PCDHA7: variants seen among roughly 807,000 people sequenced by gnomAD.
PCDHA7 encodes the protein protocadherin alpha 7, also known as protocadherin alpha-7.
PCDHA7 carries 37 observed loss-of-function variants against 57.2 expected under a neutral mutation model. That is an observed-to-expected ratio of 0.65 (90% CI 0.50 to 0.85). The LOEUF (loss-of-function observed/expected upper bound fraction) is 0.85, where lower values mean the gene tolerates loss of function less well. Among genes scored for constraint, PCDHA7 ranks in the 40% least tolerant of loss-of-function variants. PCDHA7 has a pLI of 0.00. For synonymous variants in PCDHA7, 553 were observed against 558.8 expected, an observed-to-expected ratio of 0.99 and a Z score of 0.15; for missense variants, 1,188 against 1,241.8, an observed-to-expected ratio of 0.96 and a Z score of 0.65.
intron 1 of PCDHA7, chr5:140,967,347 A>G: frequency 6.2e-7 from 1 of 1,608,324 alleles, no homozygotes; most frequent in South Asian, 1.1e-5. Flanking sequence ...GAGCACTTCG[A>G]GCTGGACCTT....
At position 140,858,109 on chromosome 5, in the gene PCDHA7, C is replaced by G. The variant is rs782526722; in HGVS notation, c.2355+21371C>G. 17 of 1,597,646 alleles carry G rather than the reference C, an allele frequency of 1.1e-5. 1 individual carries two copies. The highest frequency in any genetic ancestry group is 1.2e-5 in the Non-Finnish European group (14 of 1,167,662). ...CGCGGGCTTCAGTGGGCGTGGCGCC[C>G]GAGGTGGCCCTGGTGGATGTCAACG... On this transcript the variant is annotated intron_variant, in intron 1 of 3. Transcript: ENST00000525929.
At chr5:140,956,297 G>A (rs1449094533) in intron 1 of PCDHA7, among the ~76,000 whole-genome samples, 1 of 151,928 alleles carries the variant, frequency 6.6e-6, no homozygotes, top group African/African-American at 2.4e-5. Context: ...TCATATATAT[G>A]GCTCTTATTA....
chr5:140,928,276 GC>G, intron 1 of PCDHA7: 1 of 1,614,172 alleles, frequency 6.2e-7, no homozygotes. Flanking sequence ...TGGCCCTGGG[GC>G]CTCTCTAGGC....
At chr5:140,910,985 A>G (rs1554194529) in intron 1 of PCDHA7, among the ~76,000 whole-genome samples, 1 of 151,754 alleles carries the variant, frequency 6.6e-6, no homozygotes, top group Non-Finnish European at 1.5e-5. Flanking sequence ...TATACTCTGA[A>G]CCTCACCCCT....
chr5:140,926,997 C>T (rs782110120), intron 1 of PCDHA7: 3 of 1,612,104 alleles, frequency 1.9e-6, no homozygotes, highest in Admixed American at 3.3e-5. Context: ...GGGGCGTAGC[C>T]GTAGGCAATC....
At chr5:140,842,986 G>T in intron 1 of PCDHA7, 1 of 1,595,006 alleles carries the variant, frequency 6.3e-7, no homozygotes, top group Admixed American at 1.7e-5. Context: ...AGGTGTTCGT[G>T]CTGGACGAGA....
chr5:140,949,659 T>A (rs940241933), intron 1 of PCDHA7, among the ~76,000 whole-genome samples: 12 of 151,994 alleles, frequency 7.9e-5, no homozygotes, highest in Middle Eastern at 6.8e-3. Context: ...TACTTTTGTT[T>A]CTTTAAAGTA....
chr5:140,849,548 T>C, intron 1 of PCDHA7: 1 of 1,598,372 alleles, frequency 6.3e-7, no homozygotes, highest in Non-Finnish European at 8.6e-7. Flanking sequence ...CACAGTTGAC[T>C]ATCAAAACGC....
intron 1 of PCDHA7, chr5:140,876,139 A>G (rs1554168285): frequency 6.2e-7 from 1 of 1,613,960 alleles, no homozygotes; most frequent in South Asian, 1.1e-5. Context: ...ACCAGAACTA[A>G]CAGGGTCTGT....
At chr5:140,882,127 C>G in intron 1 of PCDHA7, 2 of 1,464,686 alleles carry the variant, frequency 1.4e-6, no homozygotes. Flanking sequence ...TTTCTTTCTT[C>G]CTGCAGAAAA....
At chr5:140,969,519 G>T in intron 1 of PCDHA7, 2 of 1,406,074 alleles carry the variant, frequency 1.4e-6, no homozygotes, top group Admixed American at 2.8e-5. Context: ...CTAAAGAATT[G>T]TTTTATTTTT....
At chr5:140,879,257 G>A (rs782639090) in intron 1 of PCDHA7, among the ~76,000 whole-genome samples, 3 of 152,202 alleles carry the variant, frequency 2.0e-5, no homozygotes, top group Non-Finnish European at 4.4e-5. Flanking sequence ...AGTAGAAGCA[G>A]CCAGATAATG....
At chr5:140,963,198 A>G (rs2095745338) in intron 1 of PCDHA7, among the ~76,000 whole-genome samples, 1 of 151,784 alleles carries the variant, frequency 6.6e-6, no homozygotes, top group South Asian at 2.1e-4. Context: ...GTGAAAATGA[A>G]AAAAAAAACC....
chr5:140,876,477 G>A, intron 1 of PCDHA7: 1 of 1,614,034 alleles, frequency 6.2e-7, no homozygotes, highest in Non-Finnish European at 8.5e-7. Flanking sequence ...GTCACAGCAT[G>A]GTCCTGGTGG....
chr5:140,887,247 C>T (rs1302931456), intron 1 of PCDHA7, among the ~76,000 whole-genome samples: 1 of 152,016 alleles, frequency 6.6e-6, no homozygotes, highest in Non-Finnish European at 1.5e-5. Context: ...CCGGCGCCCG[C>T]CACCACGCCC....
chr5:140,991,501 A>G (rs1223011478), intron 3 of PCDHA7, among the ~76,000 whole-genome samples: 1 of 152,216 alleles, frequency 6.6e-6, no homozygotes, highest in East Asian at 1.9e-4. Context: ...AGTGAGTTTC[A>G]CTGGCTAAAA....
At chr5:140,899,983 T>C (rs1313036603) in intron 1 of PCDHA7, among the ~76,000 whole-genome samples, 5 of 151,754 alleles carry the variant, frequency 3.3e-5, no homozygotes, top group Non-Finnish European at 7.4e-5. Flanking sequence ...ACTTTTTTGA[T>C]TTTTTTTGTA....
chr5:140,975,244 A>G (rs934948446), intron 1 of PCDHA7, among the ~76,000 whole-genome samples: 6 of 152,120 alleles, frequency 3.9e-5, no homozygotes. Flanking sequence ...AATCCCTCTT[A>G]TGCTTCAGAT....
At chr5:140,870,630 G>A (rs2052239024) in intron 1 of PCDHA7, 15 of 1,613,008 alleles carry the variant, frequency 9.3e-6, no homozygotes, top group Non-Finnish European at 1.3e-5. Context: ...ACGTGTCGGT[G>A]CACGCGGAGA....
Sources: gnomAD v4.1 joint callset for allele counts (sites outside exome capture counted in the v4.1 genomes callset) on GRCh38, gnomAD v4.1.1 for gene constraint, MANE v1.5 for transcripts, NCBI Gene and HGNC (gene_info 2026-07-23, HGNC 2026-07-21) for gene names.